SYT17: variants seen among roughly 807,000 people sequenced by gnomAD.
SYT17 encodes the protein synaptotagmin-17.
A neutral mutation model predicts 46.7 loss-of-function variants in SYT17; 22 were observed. The observed-to-expected ratio is 0.47, with a 90% CI of 0.34 to 0.67. SYT17 has a LOEUF of 0.67. Among genes scored for constraint, SYT17 ranks in the 30% least tolerant of loss-of-function variants. The probability of loss-of-function intolerance (pLI) is 0.01; values close to 1 mark genes in which losing one functional copy is unlikely to be tolerated. For missense variants in SYT17, 519 were observed against 612.8 expected (o/e 0.85, Z 1.62); for synonymous variants, 251 against 248.4 (o/e 1.01, Z -0.10).
intron 5 of SYT17, among the ~76,000 whole-genome samples, chr16:19,209,755 G>A (rs1292923342): frequency 6.6e-6 from 1 of 151,910 alleles, no homozygotes; most frequent in Admixed American, 6.6e-5. Flanking sequence ...GTGGGCGCCT[G>A]TAGTCCCAGC....
intron 1 of SYT17, chr16:19,171,288 C>CGA (rs1596878932): frequency 2.2e-5 from 2 of 89,820 alleles, no homozygotes; most frequent in East Asian, 3.0e-4. Flanking sequence ...ACCACCTATA[C>CGA]TATGATGATG....
chr16:19,190,199 GTC>G (rs1964956641), intron 5 of SYT17, among the ~76,000 whole-genome samples: 1 of 152,058 alleles, frequency 6.6e-6, no homozygotes, highest in Non-Finnish European at 1.5e-5. Context: ...GTGAAACCCC[GTC>G]TCTACTAAAA....
intron 7 of SYT17, chr16:19,249,878 G>T: frequency 2.7e-6 from 4 of 1,501,340 alleles, no homozygotes; most frequent in Non-Finnish European, 3.5e-6. Context: ...TTTCATCCAG[G>T]TCGTCTTGTC....
intron 5 of SYT17, among the ~76,000 whole-genome samples, chr16:19,189,675 A>G (rs11642581): frequency 0.15 from 23,397 of 152,208 alleles, 2,011 homozygotes; most frequent in African/African-American, 0.24. Flanking sequence ...GTTAGAAGCT[A>G]ACATCTGCCT....
chr16:19,189,874 A>T (rs1289990851), intron 5 of SYT17, among the ~76,000 whole-genome samples: 2 of 152,224 alleles, frequency 1.3e-5, no homozygotes, highest in African/African-American at 4.8e-5. Flanking sequence ...TGGGTGGCTT[A>T]TGGGGCCAGC....
chr16:19,235,623 T>C (rs1024618482), intron 7 of SYT17, among the ~76,000 whole-genome samples: 2 of 152,122 alleles, frequency 1.3e-5, no homozygotes, highest in Admixed American at 6.5e-5. Flanking sequence ...GGCCCAGATG[T>C]TGGAATTATC....
intron 5 of SYT17, among the ~76,000 whole-genome samples, chr16:19,194,570 TTTG>T (rs1338266912): frequency 6.6e-6 from 1 of 152,072 alleles, no homozygotes; most frequent in Admixed American, 6.5e-5. Context: ...GACATCAGCA[TTTG>T]TTGTTATTTC....
intron 5 of SYT17, among the ~76,000 whole-genome samples, chr16:19,210,668 G>A (rs1230589859): frequency 2.0e-5 from 3 of 152,120 alleles, no homozygotes; most frequent in Non-Finnish European, 2.9e-5. Flanking sequence ...AATGTGTAAA[G>A]CACTGGCATT....
At chr16:19,172,631 AG>A in intron 1 of SYT17, 128 bp from the exon 2 acceptor site, 2 of 1,510,880 alleles carry the variant, frequency 1.3e-6, no homozygotes, top group South Asian at 2.5e-5. Context: ...GGAAATATGC[AG>A]GGCTTTTTTT....
At chr16:19,260,225 C>G (rs1422994592) in intron 7 of SYT17, among the ~76,000 whole-genome samples, 1 of 151,112 alleles carries the variant, frequency 6.6e-6, no homozygotes, top group East Asian at 1.9e-4. Flanking sequence ...CGCAATGGCT[C>G]ACACCTGTAA....
intron 3 of SYT17, among the ~76,000 whole-genome samples, chr16:19,179,298 A>T (rs1964451223): frequency 6.6e-6 from 1 of 152,074 alleles, no homozygotes; most frequent in African/African-American, 2.4e-5. Context: ...CAGCTAATTT[A>T]AAAAATTTTT....
chr16:19,263,765 G>C (rs1969166290), intron 7 of SYT17, among the ~76,000 whole-genome samples: 1 of 151,610 alleles, frequency 6.6e-6, no homozygotes, highest in Non-Finnish European at 1.5e-5. Context: ...GAACAGATAA[G>C]CAAAACATGG....
chr16:19,187,279 C>T (rs531337469), intron 5 of SYT17, among the ~76,000 whole-genome samples: 7 of 152,232 alleles, frequency 4.6e-5, no homozygotes, highest in African/African-American at 1.7e-4. Flanking sequence ...TAGTCTCAAG[C>T]GATCCTCTCA....
intron 5 of SYT17, among the ~76,000 whole-genome samples, chr16:19,220,303 C>CTTTCTTTTTTTT (rs776097400): frequency 0.23 from 18,558 of 80,358 alleles, 3,253 homozygotes; most frequent in East Asian, 0.55. Context: ...TTCTTTCTTT[C>CTTTCTTTTTTTT]TTTTTTTTTT....
intron 5 of SYT17, among the ~76,000 whole-genome samples, chr16:19,199,765 A>T (rs181001601): frequency 6.6e-6 from 1 of 152,124 alleles, no homozygotes; most frequent in Non-Finnish European, 1.5e-5. Flanking sequence ...ACAAAAAAGG[A>T]TGATATTGAT....
At chr16:19,205,830 G>T (rs528957701) in intron 5 of SYT17, among the ~76,000 whole-genome samples, 4 of 152,162 alleles carry the variant, frequency 2.6e-5, no homozygotes, top group Non-Finnish European at 4.4e-5. Flanking sequence ...TATCCCCGAT[G>T]CCAGCTTTGT....
At chr16:19,223,864 A>C (rs1966409541) in intron 6 of SYT17, among the ~76,000 whole-genome samples, 1 of 152,198 alleles carries the variant, frequency 6.6e-6, no homozygotes. Context: ...ATTAAGACTG[A>C]AGAGTTTCAG....
chr16:19,172,770 T>C lies in SYT17; in HGVS notation c.26T>C (p.Leu9Ser), dbSNP rs373573294. The C allele has an allele frequency of 2.8e-5, 45 of 1,614,122 alleles. No homozygotes were observed. The African/African-American group carries it at 4.9e-4, about 18-fold the overall frequency. ...ATCTTAAAAGGGCAGTTGGAACCATTAAACGAGGTGGGTTCATTTGATGAT... is the reference window on the plus strand; with the variant it reads ...ATCTTAAAAGGGCAGTTGGAACCATCAAACGAGGTGGGTTCATTTGATGAT... The part of the protein sequence containing the change: MAYIQLEP[L>S]NEGFLSRISG... Residue 9 changes from leucine (L) to serine (S), a missense_variant, in exon 2 of 8, where the codon TTA (leucine) becomes TCA (serine). Coordinates refer to ENST00000355377, the MANE Select transcript of SYT17 (RefSeq NM_016524.4).
At chr16:19,238,945 A>G (rs549573097) in intron 7 of SYT17, among the ~76,000 whole-genome samples, 6 of 152,222 alleles carry the variant, frequency 3.9e-5, no homozygotes, top group Admixed American at 2.0e-4. Flanking sequence ...GACTTTCCCA[A>G]CCCAGAGCTG....
Sources: gnomAD v4.1 joint callset for allele counts (sites outside exome capture counted in the v4.1 genomes callset) on GRCh38, gnomAD v4.1.1 for gene constraint, MANE v1.5 for transcripts, NCBI Gene and HGNC (gene_info 2026-07-23, HGNC 2026-07-21) for gene names.